ADORA2B: variants seen among roughly 807,000 people sequenced by gnomAD.
The protein encoded by ADORA2B is adenosine receptor A2b.
ADORA2B carries 18 observed loss-of-function variants against 20.8 expected under a neutral mutation model. The observed-to-expected ratio is 0.87, with a 90% CI of 0.60 to 1.29. ADORA2B has a LOEUF of 1.29. Among genes scored for constraint, ADORA2B ranks in the 50% most tolerant of loss-of-function variants. The probability of loss-of-function intolerance (pLI) is 0.00; values close to 1 mark genes in which losing one functional copy is unlikely to be tolerated. For synonymous variants in ADORA2B, 179 were observed against 178.3 expected, an observed-to-expected ratio of 1.00 and a Z score of -0.03; for missense variants, 441 against 422.7, an observed-to-expected ratio of 1.04 and a Z score of -0.38.
intron 1 of ADORA2B, among the ~76,000 whole-genome samples, chr17:15,952,502 C>A (rs1969918071): frequency 1.3e-5 from 2 of 152,096 alleles, no homozygotes; most frequent in Admixed American, 6.5e-5. Flanking sequence ...GAGCCCTTAA[C>A]CATCATGTGA....
At chr17:15,922,365 A>G in the ADORA2B span, among the ~76,000 whole-genome samples, 1 of 152,270 alleles carries the variant, frequency 6.6e-6, no homozygotes, top group South Asian at 2.1e-4. Flanking sequence ...ACTTAGGCAA[A>G]TGTCTCCAAG....
the ADORA2B span, among the ~76,000 whole-genome samples, chr17:15,867,973 G>A: frequency 4.6e-5 from 7 of 151,286 alleles, no homozygotes; most frequent in South Asian, 4.2e-4. Context: ...GATGGTTGCC[G>A]TGTCTGTGTA....
chr17:15,878,793 T>C, the ADORA2B span, among the ~76,000 whole-genome samples: 1 of 152,194 alleles, frequency 6.6e-6, no homozygotes, highest in East Asian at 1.9e-4. Context: ...AATCCAGAAA[T>C]AGATAAGAAT....
At chr17:15,894,989 A>G in the ADORA2B span, among the ~76,000 whole-genome samples, 56 of 152,298 alleles carry the variant, frequency 3.7e-4, 1 homozygote, top group Admixed American at 3.5e-3. Context: ...AGCGACTCCA[A>G]AATCTTCAGG....
At chr17:15,967,136 C>T (rs535961154) in intron 1 of ADORA2B, among the ~76,000 whole-genome samples, 14 of 152,020 alleles carry the variant, frequency 9.2e-5, no homozygotes, top group East Asian at 1.9e-4. Context: ...AAGGAGAGGG[C>T]GTGGCAGGTG....
At chr17:15,895,643 C>T in the ADORA2B span, among the ~76,000 whole-genome samples, 30 of 152,178 alleles carry the variant, frequency 2.0e-4, no homozygotes, top group Admixed American at 4.6e-4. Flanking sequence ...CCCTGAAATA[C>T]GGCTAGTGTG....
At chr17:15,941,664 G>C (rs1042577863), upstream of ADORA2B, among the ~76,000 whole-genome samples, 3 of 150,564 alleles carry the variant, frequency 2.0e-5, no homozygotes, top group Admixed American at 1.3e-4. Flanking sequence ...GGAGGTTGAG[G>C]CTGCAGTAAG....
chr17:15,887,550 G>C, the ADORA2B span, among the ~76,000 whole-genome samples: 3 of 130,390 alleles, frequency 2.3e-5, 1 homozygote, highest in African/African-American at 6.5e-5. Context: ...TTGCGGAAGG[G>C]AAGACACAGT....
chr17:15,920,160 AATAAT>A, the ADORA2B span, among the ~76,000 whole-genome samples: 1 of 152,182 alleles, frequency 6.6e-6, no homozygotes, highest in South Asian at 2.1e-4. Context: ...ATGGGAGCTA[AATAAT>A]ATGTACACAT....
chr17:15,947,607 C>T (rs1199110145), intron 1 of ADORA2B, among the ~76,000 whole-genome samples: 1 of 152,172 alleles, frequency 6.6e-6, no homozygotes, highest in East Asian at 1.9e-4. Context: ...CACAGGCAGT[C>T]CCCAGCTCCC....
intron 1 of ADORA2B, among the ~76,000 whole-genome samples, chr17:15,956,799 C>CA (rs1214556969): frequency 1.1e-4 from 17 of 152,020 alleles, no homozygotes; most frequent in African/African-American, 3.9e-4. Flanking sequence ...GGGGTTTCAC[C>CA]ATGCTGGTCA....
the ADORA2B span, among the ~76,000 whole-genome samples, chr17:15,876,666 C>A: frequency 6.6e-6 from 1 of 151,986 alleles, no homozygotes; most frequent in African/African-American, 2.4e-5. Context: ...AAACTTGAGG[C>A]TTCCCTAAGT....
intron 1 of ADORA2B, among the ~76,000 whole-genome samples, chr17:15,965,106 G>GA (rs1168631385): frequency 6.6e-6 from 1 of 152,126 alleles, no homozygotes; most frequent in Non-Finnish European, 1.5e-5. Context: ...TGGGAAATCT[G>GA]AAAAAATGGG....
At chr17:15,917,485 C>T in the ADORA2B span, among the ~76,000 whole-genome samples, 2 of 152,236 alleles carry the variant, frequency 1.3e-5, no homozygotes, top group Non-Finnish European at 2.9e-5. Context: ...GGACCGCGCC[C>T]CTGCACCATG....
chr17:15,948,110 C>T (rs1317451472), intron 1 of ADORA2B, among the ~76,000 whole-genome samples: 1 of 152,040 alleles, frequency 6.6e-6, no homozygotes, highest in Non-Finnish European at 1.5e-5. Flanking sequence ...GGGCTAAAGG[C>T]TTAGGCTAGG....
the ADORA2B span, among the ~76,000 whole-genome samples, chr17:15,909,823 G>A: frequency 6.6e-6 from 1 of 152,194 alleles, no homozygotes; most frequent in African/African-American, 2.4e-5. Flanking sequence ...AAGCCCTTAG[G>A]GATGGGCAGT....
chr17:15,946,093 A>T (rs1403710273), intron 1 of ADORA2B, among the ~76,000 whole-genome samples: 1 of 152,132 alleles, frequency 6.6e-6, no homozygotes, highest in Non-Finnish European at 1.5e-5. Flanking sequence ...GGGCATTCGC[A>T]CCGTCAGAAT....
At chr17:15,866,152 C>G in the ADORA2B span, among the ~76,000 whole-genome samples, 1 of 152,168 alleles carries the variant, frequency 6.6e-6, no homozygotes, top group East Asian at 1.9e-4. Context: ...CACATATGTG[C>G]TTGTTCCTGT....
intron 1 of ADORA2B, among the ~76,000 whole-genome samples, chr17:15,967,231 CT>C (rs570632774): frequency 0.051 from 7,035 of 139,204 alleles, 179 homozygotes; most frequent in East Asian, 0.073. Flanking sequence ...ACCTGCTTGC[CT>C]TTTTTTTTTT....
Sources: allele counts gnomAD v4.1 joint callset (sites outside exome capture counted in the v4.1 genomes callset), GRCh38; gene constraint gnomAD v4.1.1; transcripts MANE v1.5; gene names NCBI Gene and HGNC (gene_info 2026-07-23, HGNC 2026-07-21).